THSD7B: variants seen among roughly 807,000 people sequenced by gnomAD.
The protein encoded by THSD7B is thrombospondin type 1 domain containing 7B.
In THSD7B, 138 loss-of-function variants were observed where a neutral mutation model predicts 213.6. The observed-to-expected ratio is 0.65, with a 90% CI of 0.56 to 0.74. The LOEUF is 0.74. Among genes scored for constraint, THSD7B ranks in the 30% least tolerant of loss-of-function variants. THSD7B has a pLI of 0.00. For synonymous variants in THSD7B, 742 were observed against 687.0 expected, an observed-to-expected ratio of 1.08 and a Z score of -1.25; for missense variants, 1,931 against 1,991.5, an observed-to-expected ratio of 0.97 and a Z score of 0.58.
chr2:137,439,593 A>G (rs562723174), intron 14 of THSD7B, among the ~76,000 whole-genome samples: 47 of 152,208 alleles, frequency 3.1e-4, no homozygotes, highest in African/African-American at 1.1e-3. Flanking sequence ...TAATGGAACA[A>G]ATTCTCCATT....
intron 12 of THSD7B, among the ~76,000 whole-genome samples, chr2:137,384,144 A>T (rs914771268): frequency 6.6e-6 from 1 of 152,076 alleles, no homozygotes; most frequent in Admixed American, 6.5e-5. Flanking sequence ...TCCTGCTCCA[A>T]GGTGGGCTTC....
intron 1 of THSD7B, among the ~76,000 whole-genome samples, chr2:136,786,149 C>T (rs1328068064): frequency 7.7e-6 from 1 of 130,210 alleles, no homozygotes; most frequent in Non-Finnish European, 1.6e-5. Flanking sequence ...TTAGACAATA[C>T]TGACAAGCAA....
intron 2 of THSD7B, among the ~76,000 whole-genome samples, chr2:137,041,390 A>G (rs1349591364): frequency 1.3e-5 from 2 of 152,152 alleles, no homozygotes; most frequent in Non-Finnish European, 2.9e-5. Flanking sequence ...ATTAAAGTAT[A>G]CTAACAAAAT....
At chr2:136,807,617 C>T (rs921341641) in intron 1 of THSD7B, among the ~76,000 whole-genome samples, 8 of 150,918 alleles carry the variant, frequency 5.3e-5, no homozygotes, top group Non-Finnish European at 8.8e-5. Flanking sequence ...CGCCATTCTC[C>T]TGCCTCAGCC....
chr2:137,065,851 C>T (rs911212265), intron 3 of THSD7B, among the ~76,000 whole-genome samples: 21 of 152,126 alleles, frequency 1.4e-4, no homozygotes, highest in African/African-American at 4.8e-4. Context: ...TCTCCCATCC[C>T]TTGCATCATA....
chr2:137,645,851 A>T (rs1467798551), intron 21 of THSD7B, among the ~76,000 whole-genome samples: 1 of 152,180 alleles, frequency 6.6e-6, no homozygotes, highest in African/African-American at 2.4e-5. Context: ...CAATGAATCT[A>T]TCATATGGAA....
At chr2:137,160,442 T>C in intron 6 of THSD7B, 74 bp downstream of exon 6, 1 of 1,524,474 alleles carries the variant, frequency 6.6e-7, no homozygotes, top group Non-Finnish European at 8.9e-7. Context: ...AAGTCACTGA[T>C]TAAGCCTGCT....
chr2:137,217,254 C>T (rs892880), intron 7 of THSD7B, among the ~76,000 whole-genome samples: 90,840 of 152,088 alleles, frequency 0.6, 27,555 homozygotes, highest in South Asian at 0.71. Flanking sequence ...TACACTCTTC[C>T]GTACTTTCTT....
intron 12 of THSD7B, among the ~76,000 whole-genome samples, chr2:137,296,287 C>T (rs16838686): frequency 0.062 from 9,373 of 152,174 alleles, 543 homozygotes; most frequent in African/African-American, 0.14. Flanking sequence ...TTAACTCTTA[C>T]TGCACTTAGG....
chr2:137,274,439 G>A (rs1422603671), intron 11 of THSD7B, among the ~76,000 whole-genome samples: 2 of 152,050 alleles, frequency 1.3e-5, no homozygotes, highest in African/African-American at 2.4e-5. Flanking sequence ...AAGACAGCAT[G>A]GGCGCCTTTA....
At chr2:137,410,693 A>G in intron 13 of THSD7B, among the ~76,000 whole-genome samples, 1 of 152,210 alleles carries the variant, frequency 6.6e-6, no homozygotes, top group East Asian at 1.9e-4. Flanking sequence ...CCCATGCATC[A>G]GCTTGTATCA....
chr2:136,961,233 T>TTC (rs1388643982), intron 2 of THSD7B, among the ~76,000 whole-genome samples: 2 of 147,658 alleles, frequency 1.4e-5, no homozygotes, highest in African/African-American at 5.0e-5. Flanking sequence ...TCTTTTTTTT[T>TTC]TTTTTGAGAT....
At chr2:137,065,730 A>G (rs1430851037) in intron 3 of THSD7B, among the ~76,000 whole-genome samples, 1 of 151,928 alleles carries the variant, frequency 6.6e-6, no homozygotes, top group African/African-American at 2.4e-5. Context: ...TTATGGTTTT[A>G]TTAGAATTTG....
chr2:137,543,831 C>A (rs969861147), intron 15 of THSD7B, among the ~76,000 whole-genome samples: 4 of 151,454 alleles, frequency 2.6e-5, no homozygotes, highest in Admixed American at 2.6e-4. Flanking sequence ...CAAAATATGT[C>A]TTGGAGAAGA....
At chr2:137,070,757 C>T (rs1369290772) in intron 3 of THSD7B, among the ~76,000 whole-genome samples, 8 of 151,968 alleles carry the variant, frequency 5.3e-5, no homozygotes, top group Admixed American at 3.3e-4. Flanking sequence ...GTTCCCCTTC[C>T]TGTGTGCATG....
chr2:137,421,772 AG>A (rs763246612), intron 14 of THSD7B, among the ~76,000 whole-genome samples: 8 of 152,158 alleles, frequency 5.3e-5, no homozygotes, highest in Non-Finnish European at 1.0e-4. Flanking sequence ...GGAGGGTAGG[AG>A]AAGGTTGGAG....
chr2:137,552,502 C>A (rs958589619), intron 15 of THSD7B, among the ~76,000 whole-genome samples: 1 of 152,148 alleles, frequency 6.6e-6, no homozygotes, highest in African/African-American at 2.4e-5. Context: ...ATCATACCAA[C>A]CTTGTCTAAC....
intron 1 of THSD7B, among the ~76,000 whole-genome samples, chr2:136,836,638 C>A (rs1237638389): frequency 6.6e-6 from 1 of 152,174 alleles, no homozygotes; most frequent in Admixed American, 6.5e-5. Flanking sequence ...TTGGACTACT[C>A]CACTTATCTA....
intron 12 of THSD7B, among the ~76,000 whole-genome samples, chr2:137,401,287 C>T (rs139563421): frequency 7.3e-4 from 111 of 152,232 alleles, no homozygotes; most frequent in African/African-American, 2.5e-3. Context: ...CCCATTTATG[C>T]TTAATTGTCT....
Sources: allele counts gnomAD v4.1 joint callset (sites outside exome capture counted in the v4.1 genomes callset), GRCh38; gene constraint gnomAD v4.1.1; transcripts MANE v1.5; gene names NCBI Gene and HGNC (gene_info 2026-07-23, HGNC 2026-07-21).